ULK4: variants seen among roughly 807,000 people sequenced by gnomAD.
The protein encoded by ULK4 is unc-51 like kinase 4, also known as inactive serine/threonine-protein kinase ULK4.
ULK4 carries 133 observed loss-of-function variants against 160.6 expected under a neutral mutation model. The ratio of observed to expected loss-of-function variants is 0.83; its 90% confidence interval spans 0.72 to 0.96. ULK4 has a LOEUF of 0.96. ULK4 is among the 40% of genes least tolerant of loss of function. The pLI, the probability that ULK4 is intolerant of heterozygous loss-of-function variation, is 0.00. For synonymous variants in ULK4, 534 were observed against 539.8 expected, an observed-to-expected ratio of 0.99 and a Z score of 0.15; for missense variants, 1,580 against 1,499.5, an observed-to-expected ratio of 1.05 and a Z score of -0.89.
intron 31 of ULK4, among the ~76,000 whole-genome samples, chr3:41,585,242 G>A (rs116755751): frequency 0.022 from 3,404 of 152,176 alleles, 81 homozygotes; most frequent in Non-Finnish European, 0.029. Flanking sequence ...ACTTCTCCAA[G>A]TTTTCTCACA....
intron 5 of ULK4, among the ~76,000 whole-genome samples, chr3:41,931,470 T>TAAA (rs61500854): frequency 3.1e-5 from 4 of 126,990 alleles, no homozygotes; most frequent in African/African-American, 8.6e-5. Flanking sequence ...CCCTAGAACT[T>TAAA]AAAAAAAAAA....
At chr3:41,868,648 T>A (rs1273686944) in intron 17 of ULK4, among the ~76,000 whole-genome samples, 1 of 142,102 alleles carries the variant, frequency 7.0e-6, no homozygotes, top group African/African-American at 3.0e-5. Context: ...CACCATCATA[T>A]CCACCTAATT....
At chr3:41,480,023 C>T (rs149426904) in intron 32 of ULK4, among the ~76,000 whole-genome samples, 23 of 151,970 alleles carry the variant, frequency 1.5e-4, no homozygotes, top group African/African-American at 4.8e-4. Context: ...CTGGCTAACA[C>T]GATGAAACCT....
At chr3:41,724,605 C>T (rs779884703) in intron 22 of ULK4, among the ~76,000 whole-genome samples, 2 of 152,052 alleles carry the variant, frequency 1.3e-5, no homozygotes, top group Non-Finnish European at 2.9e-5. Context: ...CGCCTGTAGT[C>T]CCAGCTACTC....
chr3:41,481,826 C>CA (rs71616009), intron 32 of ULK4, among the ~76,000 whole-genome samples: 926 of 65,964 alleles, frequency 0.014, 13 homozygotes, highest in East Asian at 0.028. Flanking sequence ...GACTCCGTCT[C>CA]AAAAAAAAAA....
intron 30 of ULK4, among the ~76,000 whole-genome samples, chr3:41,636,661 T>A (rs1036908577): frequency 6.6e-6 from 1 of 152,052 alleles, no homozygotes; most frequent in African/African-American, 2.4e-5. Flanking sequence ...AATGTGCAGG[T>A]TAGTTACATA....
chr3:41,714,505 A>C (rs1458930567), intron 25 of ULK4, among the ~76,000 whole-genome samples: 1 of 152,158 alleles, frequency 6.6e-6, no homozygotes, highest in Non-Finnish European at 1.5e-5. Context: ...CTCTGTGACA[A>C]ATGTTTTAGC....
At chr3:41,633,463 G>A (rs907664192) in intron 30 of ULK4, among the ~76,000 whole-genome samples, 1 of 152,080 alleles carries the variant, frequency 6.6e-6, no homozygotes, top group East Asian at 1.9e-4. Flanking sequence ...AGACCATATG[G>A]CCTGCAAGAC....
At position 41,836,940 on chromosome 3, in the gene ULK4, G is replaced by C. The variant is rs1424737413; in HGVS notation, c.1657-969C>G. On this transcript the variant is annotated intron_variant, in intron 17 of 36. Transcript: ENST00000301831. ...ATGACATACAGAATGGCTCCACTCT[G>C]AGAAGGAAAAAAATGTATATAAAAT... 2.0e-5 allele frequency among the ~76,000 whole-genome samples: 3 copies of C among 152,062 alleles called. No homozygotes were observed. In the East Asian group the frequency reaches 5.8e-4, roughly 29 times the overall value.
intron 31 of ULK4, among the ~76,000 whole-genome samples, chr3:41,608,981 T>C (rs958463088): frequency 6.6e-6 from 1 of 152,210 alleles, no homozygotes; most frequent in Non-Finnish European, 1.5e-5. Flanking sequence ...GAAGGAAGAA[T>C]GTGTATGTAC....
In ULK4 at chr3:41,783,405, C is replaced by T. The variant is rs577788507; in HGVS notation, c.2193+6256G>A. Among the ~76,000 whole-genome samples, 3 of 152,072 alleles carry T rather than the reference C, an allele frequency of 2.0e-5. No individual in the cohort carries two copies. The South Asian group carries it at 6.2e-4, about 32-fold the overall frequency. ...TACAAAAATTAGCTAGGTGCAGTGGCTCATGCCTATAACCCCAGCTACTTG... is the reference window on the plus strand; with the variant it reads ...TACAAAAATTAGCTAGGTGCAGTGGTTCATGCCTATAACCCCAGCTACTTG... On this transcript the variant is annotated intron_variant, in intron 21 of 36. Transcript: ENST00000301831.
intron 30 of ULK4, among the ~76,000 whole-genome samples, chr3:41,628,111 GAAGTGTAGTCTAGAACACTGCTAATCA>G (rs2033602569): frequency 6.6e-6 from 1 of 152,188 alleles, no homozygotes; most frequent in African/African-American, 2.4e-5. Context: ...TGAACTGGAA[GAAGTGTAGTCTAGAACACTGCTAATCA>G]AAGTGTGGTC....
intron 35 of ULK4, among the ~76,000 whole-genome samples, chr3:41,366,548 T>TACACACACACACACACAC (rs148305509): frequency 6.7e-5 from 10 of 148,690 alleles, no homozygotes; most frequent in African/African-American, 2.5e-4. Flanking sequence ...AAAATATGGC[T>TACACACACACACACACAC]ACACACACAC....
At chr3:41,665,847 T>C (rs2035334048) in intron 29 of ULK4, among the ~76,000 whole-genome samples, 1 of 152,234 alleles carries the variant, frequency 6.6e-6, no homozygotes, top group African/African-American at 2.4e-5. Flanking sequence ...TCTTGCCATC[T>C]TGAGTAAAGA....
chr3:41,819,679 T>C lies in ULK4; in HGVS notation c.1765-173A>G, dbSNP rs568762444. Reference sequence around the variant, plus strand: ...ACTAGATCAAGGATCTTTTACTGCATTGTACATACAAGATATTTATTCTAT... The same window carrying C: ...ACTAGATCAAGGATCTTTTACTGCACTGTACATACAAGATATTTATTCTAT... On this transcript the variant is annotated intron_variant, in intron 18 of 36. Coordinates refer to ENST00000301831, the MANE Select transcript of ULK4 (RefSeq NM_017886.4). Among the ~76,000 whole-genome samples the C allele has an allele frequency of 1.9e-3, 294 of 152,316 alleles. 1 individual carries two copies. Among genetic ancestry groups the C allele is most frequent in the Middle Eastern group, 0.01 (3 of 294 alleles).
At chr3:41,946,099 T>C (rs1700104904) in intron 2 of ULK4, among the ~76,000 whole-genome samples, 1 of 152,068 alleles carries the variant, frequency 6.6e-6, no homozygotes, top group African/African-American at 2.4e-5. Flanking sequence ...GCTGGTTACA[T>C]GGGTGTATTT....
In ULK4 at chr3:41,811,658, T is replaced by C. The variant is rs1575751283; in HGVS notation, c.1848+7765A>G. On this transcript the variant is annotated intron_variant, in intron 19 of 36. Coordinates refer to ENST00000301831, the MANE Select transcript of ULK4 (RefSeq NM_017886.4). ...TACTAGGTTTGCCATGGGGTATTAA[T>C]AAATGTTGCACGAATGAAGGGTTTT... Among the ~76,000 whole-genome samples, 4 of 152,346 alleles carry C rather than the reference T, an allele frequency of 2.6e-5. No homozygotes were observed. The South Asian group carries it at 8.3e-4, about 32-fold the overall frequency.
At chr3:41,812,988 G>T (rs2040861708) in intron 19 of ULK4, among the ~76,000 whole-genome samples, 1 of 152,138 alleles carries the variant, frequency 6.6e-6, no homozygotes, top group Admixed American at 6.6e-5. Flanking sequence ...GTCTAGAAAA[G>T]ATTAATTTAT....
At chr3:41,692,861 T>A (rs1048367094) in intron 27 of ULK4, among the ~76,000 whole-genome samples, 11 of 152,166 alleles carry the variant, frequency 7.2e-5, no homozygotes, top group Admixed American at 2.0e-4. Context: ...CCCATTTTTT[T>A]AAAAATGTGT....
Sources: allele counts gnomAD v4.1 joint callset (sites outside exome capture counted in the v4.1 genomes callset), GRCh38; gene constraint gnomAD v4.1.1; transcripts MANE v1.5; gene names NCBI Gene and HGNC (gene_info 2026-07-23, HGNC 2026-07-21).